Variants in CDK5RAP2 observed in about 807,000 individuals in gnomAD.
The protein encoded by CDK5RAP2 is CDK5 regulatory subunit-associated protein 2.
In CDK5RAP2, 147 loss-of-function variants were observed where a neutral mutation model predicts 232.9. That is an observed-to-expected ratio of 0.63 (90% CI 0.55 to 0.72). The LOEUF is 0.72. CDK5RAP2 is among the 30% of genes least tolerant of loss of function. The pLI, the probability that CDK5RAP2 is intolerant of heterozygous loss-of-function variation, is 0.00. For synonymous variants in CDK5RAP2, 833 were observed against 833.7 expected, an observed-to-expected ratio of 1.00 and a Z score of 0.01; for missense variants, 2,195 against 2,231.5, an observed-to-expected ratio of 0.98 and a Z score of 0.33.
At chr9:120,430,056 A>G (rs1367201772) in intron 25 of CDK5RAP2, among the ~76,000 whole-genome samples, 1 of 152,242 alleles carries the variant, frequency 6.6e-6, no homozygotes, top group African/African-American at 2.4e-5. Flanking sequence ...CTGGCTAGCC[A>G]TATGTAGAAA....
chr9:120,471,129 T>C (rs1055995635), intron 16 of CDK5RAP2, among the ~76,000 whole-genome samples: 4 of 152,194 alleles, frequency 2.6e-5, no homozygotes, highest in Non-Finnish European at 4.4e-5. Context: ...CCTACCACTG[T>C]TATTACCAAT....
intron 11 of CDK5RAP2, among the ~76,000 whole-genome samples, chr9:120,523,616 G>C (rs958799386): frequency 6.6e-6 from 1 of 152,122 alleles, no homozygotes; most frequent in Admixed American, 6.5e-5. Context: ...ATAAGTCATG[G>C]GATATGAATC....
chr9:120,451,279 C>T (rs1417443907), intron 21 of CDK5RAP2, among the ~76,000 whole-genome samples: 2 of 152,200 alleles, frequency 1.3e-5, no homozygotes, highest in East Asian at 3.9e-4. Context: ...CAGGAACTCA[C>T]ACAGTCTGAG....
chr9:120,567,826 A>G (rs753223734), intron 3 of CDK5RAP2, among the ~76,000 whole-genome samples: 7 of 152,214 alleles, frequency 4.6e-5, no homozygotes, highest in Non-Finnish European at 8.8e-5. Context: ...TCAAATCCCA[A>G]CTCTGACACT....
intron 21 of CDK5RAP2, among the ~76,000 whole-genome samples, chr9:120,448,447 C>G (rs2036312676): frequency 6.6e-6 from 1 of 152,216 alleles, no homozygotes; most frequent in Non-Finnish European, 1.5e-5. Flanking sequence ...TGCTCCTTAT[C>G]TATTTCCTTG....
At chr9:120,397,892 A>G (rs558711522) in intron 35 of CDK5RAP2, among the ~76,000 whole-genome samples, 21 of 152,344 alleles carry the variant, frequency 1.4e-4, no homozygotes, top group African/African-American at 5.1e-4. Flanking sequence ...ACAAGTTTCC[A>G]GGTGATGCAG....
At position 120,437,361 on chromosome 9, in the gene CDK5RAP2, C is replaced by T. The variant is rs551032342; in HGVS notation, c.3889G>A (p.Gly1297Ser). The part of the protein sequence containing the change: ...ASDVDYCVAE[G>S]FQEQLNQCAE... ...CATTGATTCAGCTGTTCCTGGAAAC[C>T]CTCGGCCACACAGTAATCCACATCA... The change falls in exon 25 of 38, where the codon GGT becomes AGT. Residue 1297 changes from glycine to serine, a missense_variant. Coordinates refer to ENST00000349780, the MANE Select transcript of CDK5RAP2 (RefSeq NM_018249.6). 7 of 1,614,094 alleles carry T rather than the reference C, an allele frequency of 4.3e-6. No homozygotes were observed. The highest frequency in any genetic ancestry group is 3.3e-4 in the Middle Eastern group (2 of 6,062).
rs755921046 is a variant in CDK5RAP2, at chr9:120,470,168, A to G, written c.1911T>C (p.Leu637=). 32 of 1,599,942 alleles carry G rather than the reference A, an allele frequency of 2.0e-5. No individual in the cohort carries two copies. The Admixed American group carries it at 3.7e-4, about 18-fold the overall frequency. The part of the protein sequence containing the change: ...SDQTSYLSIC[L]EENNRFQVEH... The stretch of plus-strand genomic sequence containing the variant: ...CCACTTGAAACCGATTGTTTTCTTC[A>G]AGGCAAATACTTAGATAAGATGTTT... The change falls in exon 17 of 38, where the codon CTT becomes CTC. Residue 637 remains leucine, a synonymous_variant. Transcript: ENST00000349780.
chr9:120,447,850 G>A, intron 22 of CDK5RAP2, 45 bp downstream of exon 22: 1 of 1,340,204 alleles, frequency 7.5e-7, no homozygotes, highest in African/African-American at 1.4e-5. Flanking sequence ...GTTCTATCGA[G>A]CCGTTTGTCT....
At chr9:120,505,949 A>G (rs934680351) in intron 12 of CDK5RAP2, among the ~76,000 whole-genome samples, 2 of 152,250 alleles carry the variant, frequency 1.3e-5, no homozygotes, top group Admixed American at 6.5e-5. Context: ...AAGCTGCAGT[A>G]AGTCATCCAA....
intron 1 of CDK5RAP2, among the ~76,000 whole-genome samples, chr9:120,572,613 T>A (rs1231483651): frequency 6.6e-6 from 1 of 152,174 alleles, no homozygotes; most frequent in African/African-American, 2.4e-5. Flanking sequence ...ATAAATTCAG[T>A]GAGGATCTGG....
chr9:120,480,255 T>G (rs1321241624), intron 14 of CDK5RAP2, among the ~76,000 whole-genome samples: 1 of 151,828 alleles, frequency 6.6e-6, no homozygotes. Flanking sequence ...ACGACAGGGG[T>G]TTTCAACTTG....
At chr9:120,420,842 A>G (rs1413623371) in intron 26 of CDK5RAP2, among the ~76,000 whole-genome samples, 1 of 152,246 alleles carries the variant, frequency 6.6e-6, no homozygotes, top group African/African-American at 2.4e-5. Flanking sequence ...GCAGAAGTGC[A>G]GCATGGGCCA....
intron 21 of CDK5RAP2, among the ~76,000 whole-genome samples, chr9:120,452,073 A>G (rs1235020419): frequency 1.3e-5 from 2 of 152,098 alleles, no homozygotes; most frequent in African/African-American, 4.8e-5. Context: ...ACAGAATAAC[A>G]TCTCTCACAC....
At chr9:120,470,061 ACAAT>A in intron 17 of CDK5RAP2, 46 bp downstream of exon 17, 1 of 939,298 alleles carries the variant, frequency 1.1e-6, no homozygotes, top group African/African-American at 1.6e-5. Context: ...GATACAACAA[ACAAT>A]CTAACAAAAA....
At chr9:120,520,828 C>A in intron 11 of CDK5RAP2, among the ~76,000 whole-genome samples, 1 of 149,932 alleles carries the variant, frequency 6.7e-6, no homozygotes, top group African/African-American at 2.5e-5. Flanking sequence ...ATATATATCT[C>A]ATATGAGCTG....
intron 21 of CDK5RAP2, among the ~76,000 whole-genome samples, chr9:120,450,092 A>G (rs893390032): frequency 5.3e-5 from 8 of 152,256 alleles, no homozygotes; most frequent in Non-Finnish European, 8.8e-5. Flanking sequence ...CTAATAACCA[A>G]AAGTGGAAAC....
intron 36 of CDK5RAP2, among the ~76,000 whole-genome samples, chr9:120,391,552 C>T (rs1159972791): frequency 1.3e-5 from 2 of 152,200 alleles, no homozygotes; most frequent in East Asian, 3.9e-4. Flanking sequence ...AATACTCCCC[C>T]ACCCTATGGG....
intron 12 of CDK5RAP2, among the ~76,000 whole-genome samples, chr9:120,501,149 T>C (rs780479134): frequency 9.9e-5 from 15 of 152,152 alleles, no homozygotes; most frequent in Non-Finnish European, 2.1e-4. Flanking sequence ...TGCCCTCTTC[T>C]CCTGTGGCTC....
Sources: allele counts gnomAD v4.1 joint callset (sites outside exome capture counted in the v4.1 genomes callset), GRCh38; gene constraint gnomAD v4.1.1; transcripts MANE v1.5; gene names NCBI Gene and HGNC (gene_info 2026-07-23, HGNC 2026-07-21).